COBL: variants seen among roughly 807,000 people sequenced by gnomAD.
COBL encodes the protein protein cordon-bleu.
COBL carries 51 observed loss-of-function variants against 98.8 expected under a neutral mutation model. That is an observed-to-expected ratio of 0.52 (90% confidence interval 0.41 to 0.65). The LOEUF is 0.65. Ranked by LOEUF, COBL falls within the 30% of genes least tolerant of loss-of-function variation. The pLI is 0.00. For missense variants in COBL, 1,617 were observed against 1,617.5 expected (o/e 1.00, Z 0.01); for synonymous variants, 634 against 651.7 (o/e 0.97, Z 0.41).
At chr7:51,250,094 T>C (rs1022360918) in intron 1 of COBL, among the ~76,000 whole-genome samples, 15 of 150,964 alleles carry the variant, frequency 9.9e-5, no homozygotes, top group African/African-American at 2.7e-4. Flanking sequence ...ACAGTGAGAC[T>C]CCATTTCAAA....
intron 2 of COBL, among the ~76,000 whole-genome samples, chr7:51,201,269 G>T (rs1200697209): frequency 6.7e-6 from 1 of 150,176 alleles, no homozygotes; most frequent in Non-Finnish European, 1.5e-5. Context: ...AAGAAAGAAT[G>T]AAAGAAAAGA....
intron 1 of COBL, among the ~76,000 whole-genome samples, chr7:51,265,140 A>G (rs1798087405): frequency 6.6e-6 from 1 of 152,214 alleles, no homozygotes; most frequent in Non-Finnish European, 1.5e-5. Context: ...ACCTCAGGGC[A>G]TTTCTGACAC....
At chr7:51,083,319 C>T in intron 7 of COBL, 1 of 918,584 alleles carries the variant, frequency 1.1e-6, no homozygotes, top group South Asian at 1.8e-5. Flanking sequence ...GCACCAGATC[C>T]AGCCACACTC....
intron 5 of COBL, among the ~76,000 whole-genome samples, chr7:51,151,320 A>C (rs2129022174): frequency 6.6e-6 from 1 of 152,242 alleles, no homozygotes. Context: ...CTTTATCTAC[A>C]ACCTGCGGCC....
At chr7:51,054,303 G>A (rs975782482) in intron 7 of COBL, among the ~76,000 whole-genome samples, 6 of 151,782 alleles carry the variant, frequency 4.0e-5, no homozygotes, top group African/African-American at 9.7e-5. Context: ...CCTTATGGAC[G>A]GCTTTTTAAA....
At chr7:51,101,771 C>T (rs1795828286) in intron 6 of COBL, among the ~76,000 whole-genome samples, 1 of 152,188 alleles carries the variant, frequency 6.6e-6, no homozygotes, top group African/African-American at 2.4e-5. Flanking sequence ...CTATGAGGAA[C>T]ACTTAATATC....
Position 51,016,866 on chromosome 7 carries a change from G to A in COBL, c.*685C>T, listed in dbSNP as rs1174788466. On this transcript the variant is annotated 3_prime_UTR_variant, in exon 13 of 13. Coordinates refer to ENST00000265136, the MANE Select transcript of COBL (RefSeq NM_015198.5). ...CGCCACCCTTGCAGGACTCGGGCAT[G>A]CCCTGGCCACATGATCACGTAGGAC... 6 of 398,982 alleles carry A rather than the reference G, an allele frequency of 1.5e-5. No homozygotes were observed. Among genetic ancestry groups the A allele is most frequent in the Non-Finnish European group, 2.6e-5 (6 of 226,548 alleles). The allele number at this position is 398,982 out of a possible 1,614,324, so 24.7% of individuals were successfully genotyped here. A position where few individuals can be genotyped will look rare whatever the true frequency, so the allele number is the denominator to read the frequency against.
intron 7 of COBL, among the ~76,000 whole-genome samples, chr7:51,079,816 G>A (rs1174206676): frequency 6.6e-6 from 1 of 152,234 alleles, no homozygotes; most frequent in African/African-American, 2.4e-5. Flanking sequence ...GGGGAAGGTG[G>A]TTGCTCCACC....
intron 1 of COBL, among the ~76,000 whole-genome samples, chr7:51,285,911 C>T (rs1159943830): frequency 6.6e-6 from 1 of 152,164 alleles, no homozygotes; most frequent in East Asian, 1.9e-4. Flanking sequence ...TTAAACAAGA[C>T]TGACAATCAA....
At chr7:51,218,949 G>GT (rs772458224) in intron 2 of COBL, among the ~76,000 whole-genome samples, 3 of 152,060 alleles carry the variant, frequency 2.0e-5, no homozygotes, top group Non-Finnish European at 4.4e-5. Context: ...GACTTTGTTA[G>GT]TTTTTTTATT....
At chr7:51,052,241 T>C (rs1293455485) in intron 7 of COBL, among the ~76,000 whole-genome samples, 2 of 152,184 alleles carry the variant, frequency 1.3e-5, no homozygotes, top group Admixed American at 6.5e-5. Flanking sequence ...GCAGAAACAC[T>C]CTGCTCAGCT....
chr7:51,061,927 A>G (rs936156246), intron 7 of COBL, among the ~76,000 whole-genome samples: 1 of 124,878 alleles, frequency 8.0e-6, no homozygotes, highest in African/African-American at 3.2e-5. Context: ...TCCCTATAAA[A>G]AAAAATCTCT....
intron 7 of COBL, among the ~76,000 whole-genome samples, chr7:51,049,967 AGTTT>A (rs1182674117): frequency 3.3e-5 from 5 of 152,168 alleles, no homozygotes; most frequent in South Asian, 2.1e-4. Context: ...CTCCAAGTGA[AGTTT>A]GCCTGTTCAT....
At chr7:51,039,923 T>C (rs1482081017) in intron 8 of COBL, among the ~76,000 whole-genome samples, 2 of 152,198 alleles carry the variant, frequency 1.3e-5, no homozygotes, top group South Asian at 2.1e-4. Context: ...AGGGTGACAG[T>C]TGGACAGAGG....
intron 7 of COBL, among the ~76,000 whole-genome samples, chr7:51,048,409 A>G (rs894477675): frequency 2.0e-5 from 3 of 152,200 alleles, no homozygotes; most frequent in Admixed American, 2.0e-4. Flanking sequence ...AATTAATTGT[A>G]AATTGCCATT....
At position 51,158,926 on chromosome 7, in the gene COBL, G is replaced by A. The variant is rs117653751; in HGVS notation, c.784-22595C>T. On this transcript the variant is annotated intron_variant, in intron 5 of 12. Coordinates refer to ENST00000265136, the MANE Select transcript of COBL (RefSeq NM_015198.5). ...GCGCCGGGGACAGGGAAGGCACAGC[G>A]CGGGGGTGCAGGGGCTGTGTGGGCA... is the stretch of plus-strand genomic sequence containing the variant. 5.8e-3 allele frequency among the ~76,000 whole-genome samples: 881 copies of A among 152,210 alleles called. 28 individuals carry two copies. In the South Asian group the frequency reaches 0.075, roughly 13 times the overall value.
At chr7:51,057,458 AG>A (rs1332230088) in intron 7 of COBL, among the ~76,000 whole-genome samples, 1 of 152,218 alleles carries the variant, frequency 6.6e-6, no homozygotes, top group Non-Finnish European at 1.5e-5. Flanking sequence ...AATACAGTAG[AG>A]TAGTCAGCAT....
intron 1 of COBL, among the ~76,000 whole-genome samples, chr7:51,252,148 CCCCTGTGCTTTT>C (rs1410852186): frequency 2.5e-4 from 38 of 152,234 alleles, no homozygotes; most frequent in African/African-American, 8.9e-4. Context: ...AGAACACTCT[CCCCTGTGCTTTT>C]GTTTTGTTTT....
At position 51,028,473 on chromosome 7, in the gene COBL, G is replaced by T; in HGVS notation, c.2623C>A (p.Arg875Ser). 6.2e-7 allele frequency: 1 copy of T among 1,614,266 alleles called. No individual in the cohort carries two copies. Among genetic ancestry groups the T allele is most frequent in the Non-Finnish European group, 8.5e-7 (1 of 1,180,050 alleles). Residue 875 changes from arginine (R) to serine (S), a missense_variant, in exon 10 of 13, where the codon CGC (arginine) becomes AGC (serine). By Grantham distance (110) the Arg-to-Ser change is moderately radical. Around this residue, in one of 3 missense-constraint regions of COBL, gnomAD observed 1,304 missense variants for 1,282.0 expected, o/e 1.02. Coordinates refer to ENST00000265136, the MANE Select transcript of COBL (RefSeq NM_015198.5). The stretch of plus-strand genomic sequence containing the variant: ...GCATGGACTTTTGGGGCTCCTATGC[G>T]CTTGGCAATGGCAGAGGCCACATAC... ...SQYVASAIAKRIGAPKVHADV... is the reference protein window; with the variant it reads ...SQYVASAIAKSIGAPKVHADV...
Sources: allele counts gnomAD v4.1 joint callset (sites outside exome capture counted in the v4.1 genomes callset), GRCh38; gene constraint gnomAD v4.1.1; regional missense constraint gnomAD v4.1.1; transcripts MANE v1.5; gene names NCBI Gene and HGNC (gene_info 2026-07-23, HGNC 2026-07-21).